The following DNAH3 variants were observed in gnomAD, a reference collection of about 807,000 sequenced individuals.
DNAH3 encodes axonemal beta dynein heavy chain 3.
Under a neutral mutation model 432.5 loss-of-function variants are expected in DNAH3, and 332 were observed. The observed-to-expected ratio is 0.77, with a 90% CI of 0.70 to 0.84. The LOEUF is 0.84. Ranked by LOEUF, DNAH3 falls within the 40% of genes least tolerant of loss-of-function variation. The pLI is 0.00. For synonymous variants in DNAH3, 1,956 were observed against 1,900.2 expected (o/e 1.03, Z -0.76); for missense variants, 4,861 against 5,114.0 (o/e 0.95, Z 1.51).
At chr16:20,946,819 C>CG (rs2084066038) in intron 57 of DNAH3, among the ~76,000 whole-genome samples, 2 of 70,864 alleles carry the variant, frequency 2.8e-5, no homozygotes, top group African/African-American at 1.2e-4. Context: ...ATTGTGAGTC[C>CG]TTTTTTTTTT....
intron 18 of DNAH3, 108 bp downstream of exon 18, chr16:21,097,247 G>T: frequency 7.5e-7 from 1 of 1,336,142 alleles, no homozygotes; most frequent in Non-Finnish European, 1.1e-6. Flanking sequence ...GTCAGAATCT[G>T]ATTAAAAGTC....
intron 3 of DNAH3, among the ~76,000 whole-genome samples, chr16:21,143,564 CA>C (rs2092747017): frequency 6.6e-6 from 1 of 152,072 alleles, no homozygotes; most frequent in Non-Finnish European, 1.5e-5. Context: ...TATAGCAGCC[CA>C]AAAGGAACTA....
chr16:20,964,465 G>C, exon 53 of DNAH3: 1 of 1,614,180 alleles, frequency 6.2e-7, no homozygotes, highest in South Asian at 1.1e-5. Flanking sequence ...GAGCAAGATA[G>C]GTTCGATAGA....
intron 18 of DNAH3, 95 bp from the exon 19 acceptor site, chr16:21,087,155 G>T: frequency 5.7e-6 from 6 of 1,054,040 alleles, no homozygotes; most frequent in Non-Finnish European, 8.6e-6. Flanking sequence ...GCCTCCTGTC[G>T]TTTGGAGATT....
At chr16:21,070,865 A>G in intron 21 of DNAH3, 39 bp from the exon 22 acceptor site, 2 of 1,237,114 alleles carry the variant, frequency 1.6e-6, no homozygotes, top group Non-Finnish European at 1.2e-6. Context: ...AGATTGTGAA[A>G]CCTCCCCATT....
intron 5 of DNAH3, chr16:21,140,328 A>G (rs76446824): frequency 2.0e-5 from 9 of 445,474 alleles, no homozygotes; most frequent in African/African-American, 1.6e-4. Flanking sequence ...ACTAGGGCAG[A>G]GAACATGTAC....
At chr16:20,981,857 A>G (rs1404403526) in intron 49 of DNAH3, among the ~76,000 whole-genome samples, 1 of 151,808 alleles carries the variant, frequency 6.6e-6, no homozygotes, top group Non-Finnish European at 1.5e-5. Context: ...TGGAACATCC[A>G]GAATGACTGA....
rs911025205 is a variant in DNAH3 at position 20,983,751 on chromosome 16, G to A, written c.7666-837C>T. 3.9e-5 allele frequency among the ~76,000 whole-genome samples: 6 copies of A among 152,128 alleles called. No individual in the cohort carries two copies. The East Asian group carries it at 5.8e-4, about 15-fold the overall frequency. The stretch of plus-strand genomic sequence containing the variant: ...ACAGAGGCCTGGCACAGTGGCTCAC[G>A]TCTGTAATCCCAACACTTTGGGAGG... On this transcript the variant is annotated intron_variant, in intron 48 of 61. Coordinates refer to ENST00000261383, the Ensembl canonical transcript of DNAH3.
chr16:21,002,120 C>T (rs902714013), intron 42 of DNAH3, among the ~76,000 whole-genome samples: 17 of 152,202 alleles, frequency 1.1e-4, no homozygotes, highest in South Asian at 8.3e-4. Flanking sequence ...TGTGGTCCTG[C>T]GTGGTGTCTG....
chr16:21,120,737 T>C, intron 11 of DNAH3: 1 of 1,607,276 alleles, frequency 6.2e-7, no homozygotes. Flanking sequence ...CCGGCCCTGG[T>C]ACCTGCCATT....
intron 21 of DNAH3, among the ~76,000 whole-genome samples, chr16:21,075,219 C>G (rs1362965825): frequency 6.6e-6 from 1 of 152,058 alleles, no homozygotes; most frequent in Non-Finnish European, 1.5e-5. Context: ...ACTGAGAAAG[C>G]CTCTTGCTCT....
chr16:21,069,764 T>G (rs1476590309), intron 22 of DNAH3, among the ~76,000 whole-genome samples, 170 bp from the exon 23 acceptor site: 1 of 152,202 alleles, frequency 6.6e-6, no homozygotes, highest in Non-Finnish European at 1.5e-5. Flanking sequence ...CTCCAGGTGA[T>G]GAGAACATAG....
At chr16:21,026,569 C>T (rs989559451) in intron 38 of DNAH3, among the ~76,000 whole-genome samples, 4 of 151,480 alleles carry the variant, frequency 2.6e-5, no homozygotes, top group African/African-American at 7.3e-5. Context: ...AGGGTGGTGG[C>T]GTGTGCTTGT....
chr16:20,934,452 A>C (rs1436717955), intron 61 of DNAH3, among the ~76,000 whole-genome samples: 3 of 127,156 alleles, frequency 2.4e-5, no homozygotes, highest in Non-Finnish European at 3.4e-5. Context: ...AAATGTGCTT[A>C]GAACACTTAC....
At chr16:21,000,547 G>C in intron 42 of DNAH3, 29 bp from the exon 43 acceptor site, 1 of 1,557,130 alleles carries the variant, frequency 6.4e-7, no homozygotes, top group African/African-American at 1.4e-5. Context: ...GGAGAGTCTC[G>C]GTTGTGGGCC....
intron 3 of DNAH3, among the ~76,000 whole-genome samples, chr16:21,141,827 G>C (rs2092723006): frequency 6.6e-6 from 1 of 152,184 alleles, no homozygotes; most frequent in Admixed American, 6.5e-5. Context: ...AAGGCAGGCA[G>C]ATCACCTGAG....
intron 6 of DNAH3, 33 bp downstream of exon 7, chr16:21,136,291 C>A: frequency 6.3e-7 from 1 of 1,599,902 alleles, no homozygotes; most frequent in South Asian, 1.1e-5. Flanking sequence ...TACATAGAAG[C>A]TCCCCAGCCC....
chr16:21,020,960 T>C (rs1256340126), intron 40 of DNAH3, among the ~76,000 whole-genome samples: 4 of 152,204 alleles, frequency 2.6e-5, no homozygotes, highest in Non-Finnish European at 2.9e-5. Flanking sequence ...GGCTACTCTA[T>C]GTACATTAAT....
chr16:21,022,183 C>G (rs1437966098), intron 39 of DNAH3, 83 bp from the exon 40 acceptor site: 1 of 1,458,962 alleles, frequency 6.9e-7, no homozygotes, highest in African/African-American at 1.4e-5. Context: ...CCTTGTGAGG[C>G]TAGAGATGCT....
Sources: gnomAD v4.1 joint callset for allele counts (sites outside exome capture counted in the v4.1 genomes callset) on GRCh38, gnomAD v4.1.1 for gene constraint, MANE v1.5 for transcripts, NCBI Gene and HGNC (gene_info 2026-07-23, HGNC 2026-07-21) for gene names.